Variants in PTPRG observed in about 807,000 individuals in gnomAD.
PTPRG encodes protein tyrosine phosphatase receptor type G, also known as receptor-type tyrosine-protein phosphatase gamma.
A neutral mutation model predicts 165.3 loss-of-function variants in PTPRG; 102 were observed. That is an observed-to-expected ratio of 0.62 (90% confidence interval 0.53 to 0.73). The LOEUF is 0.73. Ranked by LOEUF, PTPRG falls within the 30% of genes least tolerant of loss-of-function variation. The pLI, the probability that PTPRG is intolerant of heterozygous loss-of-function variation, is 0.00. For missense variants in PTPRG, 1,866 were observed against 1,861.4 expected (o/e 1.00, Z -0.05); for synonymous variants, 675 against 669.5 (o/e 1.01, Z -0.13).
chr3:62,274,166 A>C (rs1424988337), intron 23 of PTPRG, among the ~76,000 whole-genome samples: 1 of 152,176 alleles, frequency 6.6e-6, no homozygotes, highest in East Asian at 1.9e-4. Context: ...ATTTTTTCTG[A>C]ACTAATCTAT....
At chr3:61,633,554 G>GACT (rs1701825028) in intron 1 of PTPRG, among the ~76,000 whole-genome samples, 1 of 152,150 alleles carries the variant, frequency 6.6e-6, no homozygotes, top group Non-Finnish European at 1.5e-5. Flanking sequence ...CAACCTTGAT[G>GACT]AACTCGTTTA....
chr3:61,995,090 T>C (rs1479046450), intron 3 of PTPRG, among the ~76,000 whole-genome samples: 6 of 60,758 alleles, frequency 9.9e-5, no homozygotes, highest in South Asian at 8.5e-4. Context: ...CTTTCTTTTT[T>C]TTTTTTTTTT....
chr3:62,156,993 G>T (rs1056894044), intron 6 of PTPRG, 74 bp from the exon 7 acceptor site: 13 of 1,337,370 alleles, frequency 9.7e-6, no homozygotes, highest in South Asian at 2.5e-5. Flanking sequence ...CATGCCGAGG[G>T]TGTTGACTGT....
Position 61,608,976 on chromosome 3 carries a change from G to A in PTPRG, c.85+46604G>A, listed in dbSNP as rs1701088945. ...ATCTGCCATGGGGGCTCAGCATGAGGAGTGGCAGGAGTACCAGTGTTTGCC... is the reference window on the plus strand; with the variant it reads ...ATCTGCCATGGGGGCTCAGCATGAGAAGTGGCAGGAGTACCAGTGTTTGCC... On this transcript the variant is annotated intron_variant, in intron 1 of 29. Coordinates refer to ENST00000474889, the MANE Select transcript of PTPRG (RefSeq NM_002841.4). 1.3e-5 allele frequency among the ~76,000 whole-genome samples: 2 copies of A among 152,222 alleles called. 1 individual carries two copies. Among genetic ancestry groups the A allele is most frequent in the South Asian group, 4.1e-4 (2 of 4,832 alleles).
intron 1 of PTPRG, among the ~76,000 whole-genome samples, chr3:61,606,816 G>T (rs1701022264): frequency 6.6e-6 from 1 of 152,156 alleles, no homozygotes; most frequent in Non-Finnish European, 1.5e-5. Flanking sequence ...AGCCCTCAGG[G>T]CCTCATCACC....
intron 5 of PTPRG, among the ~76,000 whole-genome samples, chr3:62,126,279 T>A (rs2106908920): frequency 6.6e-6 from 1 of 152,284 alleles, no homozygotes; most frequent in South Asian, 2.1e-4. Flanking sequence ...TCAGTTTAAG[T>A]AGATCAAAAG....
chr3:61,689,196 T>G (rs2029988167), intron 1 of PTPRG, among the ~76,000 whole-genome samples: 1 of 152,254 alleles, frequency 6.6e-6, no homozygotes, highest in African/African-American at 2.4e-5. Context: ...CAAAGATCCC[T>G]AACACCAGCC....
At chr3:61,913,978 G>C (rs1197401292) in intron 2 of PTPRG, among the ~76,000 whole-genome samples, 1 of 152,122 alleles carries the variant, frequency 6.6e-6, no homozygotes, top group Admixed American at 6.5e-5. Context: ...ATCCTATTTT[G>C]TTTCAGTGTT....
chr3:61,856,998 T>C (rs1189815823), intron 2 of PTPRG, among the ~76,000 whole-genome samples: 1 of 152,174 alleles, frequency 6.6e-6, no homozygotes, highest in Non-Finnish European at 1.5e-5. Context: ...GGCTCCTTTA[T>C]TTTCAAAGAA....
chr3:61,856,005 C>T lies in PTPRG; in HGVS notation c.190+107023C>T, dbSNP rs535466888. Among the ~76,000 whole-genome samples the T allele has an allele frequency of 3.9e-5, 6 of 152,186 alleles. No homozygotes were observed. In the South Asian group the frequency reaches 1.2e-3, roughly 32 times the overall value. ...TTCTTCCTATTTCCAGAAGAACTTT[C>T]CCTTCCTCCCATCATGTTTTCCTTA... On this transcript the variant is annotated intron_variant, in intron 2 of 29. Coordinates refer to ENST00000474889, the MANE Select transcript of PTPRG (RefSeq NM_002841.4).
At chr3:61,901,346 T>C (rs1244327843) in intron 2 of PTPRG, among the ~76,000 whole-genome samples, 3 of 152,192 alleles carry the variant, frequency 2.0e-5, no homozygotes, top group Non-Finnish European at 4.4e-5. Flanking sequence ...AAGAACTGCC[T>C]CCATATTTGA....
chr3:61,885,219 A>C (rs1177006008), intron 2 of PTPRG, among the ~76,000 whole-genome samples: 2 of 152,192 alleles, frequency 1.3e-5, no homozygotes, highest in East Asian at 3.9e-4. Flanking sequence ...TTTGCTTAGA[A>C]GCAGACACTG....
intron 2 of PTPRG, among the ~76,000 whole-genome samples, chr3:61,755,432 C>T (rs2033603464): frequency 6.6e-6 from 1 of 152,204 alleles, no homozygotes; most frequent in African/African-American, 2.4e-5. Context: ...CCATTTCTGC[C>T]TAAACTCCTC....
At chr3:61,623,555 G>A (rs1701521049) in intron 1 of PTPRG, among the ~76,000 whole-genome samples, 1 of 152,132 alleles carries the variant, frequency 6.6e-6, no homozygotes, top group Non-Finnish European at 1.5e-5. Context: ...TTGTTCAGGA[G>A]GTAGGTATAG....
At chr3:61,808,978 A>C (rs2035496567) in intron 2 of PTPRG, among the ~76,000 whole-genome samples, 2 of 148,968 alleles carry the variant, frequency 1.3e-5, no homozygotes, top group Non-Finnish European at 3.0e-5. Context: ...TGTTTTTGCT[A>C]TCTAGTAGGC....
At chr3:62,066,182 C>G (rs1219720741) in intron 4 of PTPRG, among the ~76,000 whole-genome samples, 3 of 152,178 alleles carry the variant, frequency 2.0e-5, no homozygotes, top group South Asian at 2.1e-4. Flanking sequence ...ATGACGTCAT[C>G]ATTTCCCCGA....
chr3:61,702,698 C>T (rs988904126), intron 1 of PTPRG, among the ~76,000 whole-genome samples: 4 of 152,230 alleles, frequency 2.6e-5, no homozygotes, highest in African/African-American at 9.6e-5. Context: ...CACCAGGTAA[C>T]CACTATTGTA....
chr3:61,860,115 A>G (rs2037219668), intron 2 of PTPRG, among the ~76,000 whole-genome samples: 1 of 152,214 alleles, frequency 6.6e-6, no homozygotes, highest in African/African-American at 2.4e-5. Flanking sequence ...CTGTTACTAA[A>G]GATGTTGAGA....
At position 62,222,304 on chromosome 3, in the gene PTPRG, G is replaced by C. The variant is rs1700669494; in HGVS notation, c.2288+3321G>C. Reference sequence around the variant, plus strand: ...CATCAGGACTTGGCTGGTTTGGTCTGTCTGTGTTTCTCTTGCCGTCAGTTT... The same window carrying C: ...CATCAGGACTTGGCTGGTTTGGTCTCTCTGTGTTTCTCTTGCCGTCAGTTT... On this transcript the variant is annotated intron_variant, in intron 13 of 29. Transcript: ENST00000474889. The surrounding 1 kb of genome is among the most constrained non-coding windows in gnomAD (Gnocchi z 4.5). 6.6e-6 allele frequency among the ~76,000 whole-genome samples: 1 copy of C among 152,226 alleles called. No individual in the cohort carries two copies. The highest frequency in any genetic ancestry group is 6.5e-5 in the Admixed American group (1 of 15,286).
Sources: allele counts gnomAD v4.1 joint callset (sites outside exome capture counted in the v4.1 genomes callset), GRCh38; gene constraint gnomAD v4.1.1; non-coding constraint Gnocchi (gnomAD v3.1); transcripts MANE v1.5; gene names NCBI Gene and HGNC (gene_info 2026-07-23, HGNC 2026-07-21).